Variants in SPG11 observed in about 807,000 individuals in gnomAD.
The protein encoded by SPG11 is spatacsin.
Under a neutral mutation model 274.0 loss-of-function variants are expected in SPG11, and 222 were observed. That is an observed-to-expected ratio of 0.81 (90% CI 0.73 to 0.91). The LOEUF (loss-of-function observed/expected upper bound fraction) is 0.91. Ranked by LOEUF, SPG11 falls within the 40% of genes least tolerant of loss-of-function variation. The probability of loss-of-function intolerance (pLI) is 0.00; values close to 1 mark genes in which losing one functional copy is unlikely to be tolerated. For synonymous variants in SPG11, 1,144 were observed against 1,039.7 expected (o/e 1.10, Z -1.93); for missense variants, 3,114 against 2,872.7 (o/e 1.08, Z -1.92).
At chr15:44,614,034 A>G (rs1365360491) in intron 16 of SPG11, among the ~76,000 whole-genome samples, 1 of 152,172 alleles carries the variant, frequency 6.6e-6, no homozygotes, top group East Asian at 1.9e-4. Flanking sequence ...ACAGAGTGAG[A>G]CTGTCTCAAA....
chr15:44,608,663 CTTT>C (rs1450489001), intron 18 of SPG11, 58 bp from the exon 19 acceptor site: 2 of 1,544,930 alleles, frequency 1.3e-6, no homozygotes, highest in Non-Finnish European at 1.8e-6. Context: ...CTCAAAGTTT[CTTT>C]TTTTCACAAG....
intron 23 of SPG11, 76 bp from the exon 24 acceptor site, chr15:44,597,019 G>A (rs2083061656): frequency 7.2e-7 from 1 of 1,387,370 alleles, no homozygotes; most frequent in Non-Finnish European, 1.0e-6. Context: ...AGCTTGAACT[G>A]GAAAATGAGT....
At position 44,569,718 on chromosome 15, in the gene SPG11, CTT is replaced by C. The variant is rs1047071923; in HGVS notation, c.6478-215_6478-214del. ...AGTCACTGGGCCACCACTGGCTGTT[CTT>C]TTTTTTTTTTTTTTGAGATGGAGTC... On this transcript the variant is annotated intron_variant, in intron 34 of 39. Transcript: ENST00000261866. 1.9e-3 allele frequency among the ~76,000 whole-genome samples: 265 copies of C among 138,302 alleles called. 2 individuals carry two copies. Among genetic ancestry groups the C allele is most frequent in the African/African-American group, 6.1e-3 (233 of 37,900 alleles). The allele number at this position is 138,302 out of a possible 152,430, so 90.7% of individuals were successfully genotyped here. A position where few individuals can be genotyped will look rare whatever the true frequency, so the allele number is the denominator to read the frequency against.
At chr15:44,568,935 GC>G (rs1595821356) in intron 35 of SPG11, among the ~76,000 whole-genome samples, 2 of 152,138 alleles carry the variant, frequency 1.3e-5, no homozygotes, top group African/African-American at 4.8e-5. Flanking sequence ...ATTTTGGGAG[GC>G]TGAGATGGGT....
intron 15 of SPG11, among the ~76,000 whole-genome samples, chr15:44,615,998 A>G: frequency 6.6e-6 from 1 of 152,316 alleles, no homozygotes; most frequent in East Asian, 1.9e-4. Flanking sequence ...GCATGTAAAT[A>G]TTACTTTTTA....
Position 44,564,563 on chromosome 15 carries a change from C to G in SPG11, c.7135G>C (p.Glu2379Gln), listed in dbSNP as rs2082271301. The change falls in exon 39 of 40, where the codon GAA becomes CAA. Residue 2379 changes from glutamate to glutamine, a missense_variant. Coordinates refer to ENST00000261866, the MANE Select transcript of SPG11 (RefSeq NM_025137.4). ...QQRLLKSSIF[E>Q]EISKKYKQHQ... is the part of the protein sequence containing the mutation. Reference sequence around the variant, plus strand: ...AATACTTACTTTTTGGAAATCTCTTCAAATATACTGGACTTTAATAACCTT... The same window carrying G: ...AATACTTACTTTTTGGAAATCTCTTGAAATATACTGGACTTTAATAACCTT... 9 of 1,613,846 alleles carry G rather than the reference C, an allele frequency of 5.6e-6. No individual in the cohort carries two copies. Among genetic ancestry groups the G allele is most frequent in the Non-Finnish European group, 7.6e-6 (9 of 1,179,944 alleles).
intron 38 of SPG11, among the ~76,000 whole-genome samples, chr15:44,565,088 T>C (rs1208201679): frequency 3.9e-5 from 6 of 152,190 alleles, no homozygotes; most frequent in South Asian, 2.1e-4. Context: ...GCTAAGAATA[T>C]ATTATTCCCA....
Position 44,659,391 on chromosome 15 carries a change from T to A in SPG11, c.443-88A>T. 2.7e-5 allele frequency: 33 copies of A among 1,220,226 alleles called. No individual in the cohort carries two copies. In the Middle Eastern group the frequency reaches 8.2e-4, roughly 30 times the overall value. The allele number at this position is 1,220,226 out of a possible 1,614,324, so 75.6% of individuals were successfully genotyped here. A position where few individuals can be genotyped will look rare whatever the true frequency, so the allele number is the denominator to read the frequency against. On this transcript the variant is annotated intron_variant, in intron 2 of 39. Coordinates refer to ENST00000261866, the MANE Select transcript of SPG11 (RefSeq NM_025137.4). ...ATTTGATAAACCTAATACAAAAAAG[T>A]AAAACAAAAAAGGAACTGGACTTAG...
At chr15:44,661,702 A>C (rs1397411533) in intron 1 of SPG11, among the ~76,000 whole-genome samples, 1 of 152,168 alleles carries the variant, frequency 6.6e-6, no homozygotes, top group Non-Finnish European at 1.5e-5. Flanking sequence ...TTAAACTAAG[A>C]TATACTTAAA....
rs374614813 is a variant in SPG11 at position 44,632,630 on chromosome 15, C to T, written c.1735+875G>A. 3.9e-5 allele frequency among the ~76,000 whole-genome samples: 6 copies of T among 152,076 alleles called. No individual in the cohort carries two copies. In the East Asian group the frequency reaches 1.2e-3, roughly 29 times the overall value. The stretch of plus-strand genomic sequence containing the variant: ...GACTCAAGCAATCCTCAGCCTCAGC[C>T]TTCCAAGTAGTTGGGACTATGGATG... On this transcript the variant is annotated intron_variant, in intron 8 of 39. Coordinates refer to ENST00000261866, the MANE Select transcript of SPG11 (RefSeq NM_025137.4).
intron 28 of SPG11, among the ~76,000 whole-genome samples, chr15:44,586,857 CAT>C (rs1031514379): frequency 3.3e-5 from 5 of 152,334 alleles, no homozygotes; most frequent in South Asian, 2.1e-4. Context: ...ATGCAGGAAT[CAT>C]GTGGATCAAG....
intron 35 of SPG11, among the ~76,000 whole-genome samples, chr15:44,568,083 A>G (rs1408969572): frequency 2.0e-5 from 3 of 152,332 alleles, no homozygotes; most frequent in East Asian, 1.9e-4. Context: ...TCTTCACTGT[A>G]TAAGTTTTAT....
intron 7 of SPG11, among the ~76,000 whole-genome samples, chr15:44,637,640 T>C (rs901223644): frequency 6.6e-6 from 1 of 152,188 alleles, no homozygotes; most frequent in Non-Finnish European, 1.5e-5. Flanking sequence ...TTCAAGCACA[T>C]GGAACTTTTA....
intron 20 of SPG11, among the ~76,000 whole-genome samples, chr15:44,604,912 C>T (rs1286835483): frequency 5.0e-5 from 5 of 100,990 alleles, no homozygotes; most frequent in South Asian, 7.1e-4. Context: ...CCAGCCTGGG[C>T]GGAACAAGAC....
chr15:44,649,015 T>G lies in SPG11; in HGVS notation c.1457-4A>C. 6.2e-7 allele frequency: 1 copy of G among 1,611,058 alleles called. No individual in the cohort carries two copies. Among genetic ancestry groups the G allele is most frequent in the Non-Finnish European group, 8.5e-7 (1 of 1,177,372 alleles). ...AAAATCAGAGAGAGTCCATTCTCTATAGGAAAAATAAAAGTTAGCTTTAAC... is the reference window on the plus strand; with the variant it reads ...AAAATCAGAGAGAGTCCATTCTCTAGAGGAAAAATAAAAGTTAGCTTTAAC... On this transcript the variant is annotated splice_region_variant and splice_polypyrimidine_tract_variant and intron_variant, in intron 6 of 39. Transcript: ENST00000261866.
intron 18 of SPG11, among the ~76,000 whole-genome samples, chr15:44,609,326 A>G (rs1256194065): frequency 6.6e-6 from 1 of 150,972 alleles, no homozygotes; most frequent in Non-Finnish European, 1.5e-5. Flanking sequence ...TTTAGTAGAG[A>G]CGGGGTTTCA....
chr15:44,636,921 A>G (rs1349330025), intron 7 of SPG11, among the ~76,000 whole-genome samples: 1 of 123,958 alleles, frequency 8.1e-6, no homozygotes, highest in African/African-American at 3.3e-5. Context: ...GCAAGACTCC[A>G]TCTCAAAAAA....
chr15:44,640,856 G>A (rs1405798266), intron 7 of SPG11, among the ~76,000 whole-genome samples: 2 of 152,006 alleles, frequency 1.3e-5, no homozygotes, highest in South Asian at 4.1e-4. Flanking sequence ...TCAGCCTCCC[G>A]AGTAGCTGGG....
intron 19 of SPG11, 140 bp downstream of exon 19, chr15:44,608,304 A>G (rs1483753540): frequency 2.2e-6 from 2 of 916,034 alleles, no homozygotes; most frequent in East Asian, 5.3e-5. Context: ...TCACTATCAC[A>G]TTTGGTTTCC....
Sources: allele counts gnomAD v4.1 joint callset (sites outside exome capture counted in the v4.1 genomes callset), GRCh38; gene constraint gnomAD v4.1.1; transcripts MANE v1.5; gene names NCBI Gene and HGNC (gene_info 2026-07-23, HGNC 2026-07-21).